Variants in DCDC1 observed in about 807,000 individuals in gnomAD.
The protein encoded by DCDC1 is doublecortin domain-containing protein 1.
In DCDC1, 200 loss-of-function variants were observed where a neutral mutation model predicts 178.3. The observed-to-expected ratio is 1.12, with a 90% confidence interval of 1.00 to 1.26. The LOEUF (loss-of-function observed/expected upper bound fraction) is 1.26. Among genes scored for constraint, DCDC1 ranks in the 50% most tolerant of loss-of-function variants. The pLI, the probability that DCDC1 is intolerant of heterozygous loss-of-function variation, is 0.00. For synonymous variants in DCDC1, 690 were observed against 604.8 expected (o/e 1.14, Z -2.07); for missense variants, 1,983 against 1,749.2 (o/e 1.13, Z -2.38).
intron 6 of DCDC1, among the ~76,000 whole-genome samples, chr11:31,294,788 A>G (rs916687738): frequency 5.5e-5 from 8 of 145,712 alleles, no homozygotes; most frequent in Non-Finnish European, 9.0e-5. Context: ...GAAAGAAAGA[A>G]AAATAAAGAA....
At chr11:31,310,684 G>C (rs990581850) in intron 3 of DCDC1, among the ~76,000 whole-genome samples, 3 of 151,980 alleles carry the variant, frequency 2.0e-5, no homozygotes, top group Non-Finnish European at 4.4e-5. Context: ...TTAGGTGTTG[G>C]AAAGGATGAT....
intron 9 of DCDC1, among the ~76,000 whole-genome samples, chr11:31,196,533 T>C (rs1395430797): frequency 6.6e-6 from 1 of 152,034 alleles, no homozygotes; most frequent in Non-Finnish European, 1.5e-5. Context: ...CTATAATGAC[T>C]CACTGAACTC....
chr11:31,076,902 A>G (rs1956897898), intron 18 of DCDC1, among the ~76,000 whole-genome samples: 1 of 152,038 alleles, frequency 6.6e-6, no homozygotes. Context: ...TCCCTCTCCC[A>G]TATTGGGTAT....
chr11:31,150,741 T>C (rs1168742408), intron 9 of DCDC1, among the ~76,000 whole-genome samples: 2 of 100,198 alleles, frequency 2.0e-5, no homozygotes, highest in Non-Finnish European at 4.8e-5. Flanking sequence ...TCCAACATAA[T>C]TGCTTTTTCC....
rs1245449201 is a variant in DCDC1, at chr11:31,129,901, G to A, written c.1315-2262C>T. On this transcript the variant is annotated intron_variant, in intron 10 of 38. Coordinates refer to ENST00000684477, the MANE Select transcript of DCDC1 (RefSeq NM_001387274.1). ...AATCTGATCTCTACCTGGCTTTATG[G>A]CTCATATTCCCATCAGACCCCTCTC... 4.6e-5 allele frequency among the ~76,000 whole-genome samples: 7 copies of A among 152,052 alleles called. No homozygotes were observed. In the East Asian group the frequency reaches 1.4e-3, roughly 29 times the overall value.
intron 20 of DCDC1, among the ~76,000 whole-genome samples, chr11:31,059,501 T>C (rs1316008402): frequency 6.6e-6 from 1 of 152,050 alleles, no homozygotes; most frequent in Admixed American, 6.6e-5. Context: ...GTATCTTCAA[T>C]AGCTAAGAAA....
At chr11:30,886,094 C>T (rs928630804) in intron 36 of DCDC1, among the ~76,000 whole-genome samples, 3 of 151,712 alleles carry the variant, frequency 2.0e-5, no homozygotes, top group South Asian at 2.1e-4. Context: ...ATTGTATATA[C>T]GTGTGATCTA....
intron 17 of DCDC1, among the ~76,000 whole-genome samples, chr11:31,088,839 A>T (rs577366641): frequency 1.3e-5 from 2 of 152,182 alleles, no homozygotes; most frequent in East Asian, 3.9e-4. Flanking sequence ...CTGGAACTAC[A>T]GGTGTAGACC....
At chr11:30,971,580 T>C (rs181782423) in intron 20 of DCDC1, among the ~76,000 whole-genome samples, 1 of 150,872 alleles carries the variant, frequency 6.6e-6, no homozygotes, top group East Asian at 1.9e-4. Flanking sequence ...AGAAAGAATT[T>C]CTGAACTTAA....
intron 21 of DCDC1, among the ~76,000 whole-genome samples, 173 bp downstream of exon 21, chr11:30,952,272 T>C (rs1229058883): frequency 6.6e-6 from 1 of 152,198 alleles, no homozygotes; most frequent in Non-Finnish European, 1.5e-5. Flanking sequence ...ATCTCCATAA[T>C]GGGAGACTTA....
chr11:31,145,164 A>G (rs943538595), intron 9 of DCDC1, among the ~76,000 whole-genome samples: 1 of 152,280 alleles, frequency 6.6e-6, no homozygotes, highest in Admixed American at 6.5e-5. Flanking sequence ...TGCTCAATGT[A>G]TTGTGGAAAT....
chr11:31,161,974 A>G (rs561795650), intron 9 of DCDC1, among the ~76,000 whole-genome samples: 4 of 152,352 alleles, frequency 2.6e-5, no homozygotes, highest in Admixed American at 2.6e-4. Flanking sequence ...GTTCAACTAT[A>G]TTGGAAAGCA....
chr11:31,018,008 C>G (rs1393303535), intron 20 of DCDC1, among the ~76,000 whole-genome samples: 8 of 152,102 alleles, frequency 5.3e-5, no homozygotes, highest in African/African-American at 1.9e-4. Flanking sequence ...TCTAAGATCT[C>G]CTTTTAACTG....
At chr11:31,218,411 C>T (rs1455370745) in intron 9 of DCDC1, among the ~76,000 whole-genome samples, 3 of 152,022 alleles carry the variant, frequency 2.0e-5, no homozygotes, top group Non-Finnish European at 4.4e-5. Flanking sequence ...TCTATGTTTC[C>T]AATTTCAAGT....
chr11:31,288,769 T>G (rs1947018819), intron 7 of DCDC1, among the ~76,000 whole-genome samples: 2 of 151,898 alleles, frequency 1.3e-5, no homozygotes, highest in Non-Finnish European at 2.9e-5. Flanking sequence ...ATTACTGATT[T>G]GGTATTTAAT....
intron 3 of DCDC1, among the ~76,000 whole-genome samples, chr11:31,315,280 C>T (rs1469496126): frequency 2.1e-5 from 3 of 145,770 alleles, no homozygotes; most frequent in East Asian, 2.0e-4. Flanking sequence ...CACCACATTG[C>T]CTTCCATAGT....
Position 31,154,995 on chromosome 11 carries a change from AAACTTGTAACTAATATAT to A in DCDC1, c.1222-17229_1222-17212del, listed in dbSNP as rs1965573599. On this transcript the variant is annotated intron_variant, in intron 9 of 38. Transcript: ENST00000684477. ...TTAGGCAAAGGGACATTTATTGTAT[AAACTTGTAACTAATATAT>A]AACCTCAGAAGATTTATTTTTACTT... Among the ~76,000 whole-genome samples the A allele has an allele frequency of 4.6e-5, 7 of 152,356 alleles. No homozygotes were observed. The South Asian group carries it at 1.4e-3, about 32-fold the overall frequency.
At chr11:30,887,355 A>G (rs554225324) in intron 36 of DCDC1, among the ~76,000 whole-genome samples, 6 of 152,334 alleles carry the variant, frequency 3.9e-5, no homozygotes, top group East Asian at 1.9e-4. Flanking sequence ...TTCAACTTCT[A>G]CTTGCGATGC....
intron 18 of DCDC1, among the ~76,000 whole-genome samples, chr11:31,068,806 G>T (rs1590937550): frequency 6.6e-6 from 1 of 151,794 alleles, no homozygotes; most frequent in Admixed American, 6.6e-5. Context: ...ATAACTCTGG[G>T]AAATGGGAAT....
Sources: gnomAD v4.1 joint callset for allele counts (sites outside exome capture counted in the v4.1 genomes callset) on GRCh38, gnomAD v4.1.1 for gene constraint, MANE v1.5 for transcripts, NCBI Gene and HGNC (gene_info 2026-07-23, HGNC 2026-07-21) for gene names.